The following ANKS1B variants were observed in gnomAD, a reference collection of about 807,000 sequenced individuals.
The protein encoded by ANKS1B is ankyrin repeat and sterile alpha motif domain-containing protein 1B.
Under a neutral mutation model 148.3 loss-of-function variants are expected in ANKS1B, and 36 were observed. That is an observed-to-expected ratio of 0.24 (90% confidence interval 0.19 to 0.32). The LOEUF is 0.32. Ranked by LOEUF, ANKS1B falls within the 10% of genes least tolerant of loss-of-function variation. The pLI, the probability that ANKS1B is intolerant of heterozygous loss-of-function variation, is 1.00. For synonymous variants in ANKS1B, 542 were observed against 560.8 expected (o/e 0.97, Z 0.47); for missense variants, 1,157 against 1,542.6 (o/e 0.75, Z 4.19).
intron 9 of ANKS1B, chr12:99,648,655 G>T (rs1483973394): frequency 1.2e-6 from 2 of 1,614,086 alleles, no homozygotes; most frequent in Non-Finnish European, 1.7e-6. Flanking sequence ...TGCAAGTGAA[G>T]ACCTTTTTGT....
intron 9 of ANKS1B, among the ~76,000 whole-genome samples, chr12:99,619,040 C>T (rs904680695): frequency 6.6e-6 from 1 of 152,114 alleles, no homozygotes; most frequent in African/African-American, 2.4e-5. Context: ...ACAGGGCTGG[C>T]TTGGTGACCT....
chr12:99,217,182 T>TA (rs1309888263), intron 14 of ANKS1B, among the ~76,000 whole-genome samples: 12 of 152,268 alleles, frequency 7.9e-5, no homozygotes, highest in Admixed American at 7.2e-4. Context: ...GTTACAGCAC[T>TA]AAAAAATGTA....
chr12:98,890,770 T>C (rs1361779960), intron 17 of ANKS1B, among the ~76,000 whole-genome samples: 2 of 152,244 alleles, frequency 1.3e-5, no homozygotes, highest in African/African-American at 4.8e-5. Context: ...CAATGTTCTC[T>C]TGCCAAGAAA....
Position 99,425,651 on chromosome 12 carries a change from T to C in ANKS1B, c.1575+18022A>G, listed in dbSNP as rs571476235. On this transcript the variant is annotated intron_variant, in intron 11 of 26. Coordinates refer to ENST00000683438, the MANE Select transcript of ANKS1B (RefSeq NM_001352186.2). ...TACTTCTTAGGTTATGTTATAACTT[T>C]ATTGTGCATTTCCTTGATATTCAGC... Among the ~76,000 whole-genome samples, 78 of 152,060 alleles carry C rather than the reference T, an allele frequency of 5.1e-4. No homozygotes were observed. In the Middle Eastern group the frequency reaches 0.014, roughly 27 times the overall value.
At chr12:99,671,272 T>C (rs931599389) in intron 8 of ANKS1B, among the ~76,000 whole-genome samples, 1 of 152,296 alleles carries the variant, frequency 6.6e-6, no homozygotes, top group South Asian at 2.1e-4. Flanking sequence ...ATGTTCTATT[T>C]TGTCCTTAGA....
intron 9 of ANKS1B, among the ~76,000 whole-genome samples, chr12:99,519,745 T>C (rs1385565364): frequency 6.6e-6 from 1 of 152,110 alleles, no homozygotes; most frequent in Non-Finnish European, 1.5e-5. Context: ...TCTTTCCTTC[T>C]GTCTTTTCTC....
chr12:99,483,852 G>T (rs1159349415), intron 10 of ANKS1B, among the ~76,000 whole-genome samples: 1 of 151,826 alleles, frequency 6.6e-6, no homozygotes, highest in Non-Finnish European at 1.5e-5. Flanking sequence ...AATGTATCCA[G>T]TTTCATTTCT....
At chr12:99,276,070 C>G (rs1218068336) in intron 12 of ANKS1B, among the ~76,000 whole-genome samples, 1 of 152,152 alleles carries the variant, frequency 6.6e-6, no homozygotes, top group African/African-American at 2.4e-5. Flanking sequence ...AGTAGGAATA[C>G]AGACAACAAT....
intron 4 of ANKS1B, among the ~76,000 whole-genome samples, chr12:99,794,868 G>A (rs1160555433): frequency 6.6e-6 from 1 of 151,922 alleles, no homozygotes; most frequent in East Asian, 1.9e-4. Flanking sequence ...ATAAATGCTT[G>A]AGGGGATGGA....
At chr12:99,293,521 C>A (rs1188203844) in intron 12 of ANKS1B, among the ~76,000 whole-genome samples, 1 of 151,900 alleles carries the variant, frequency 6.6e-6, no homozygotes, top group Non-Finnish European at 1.5e-5. Flanking sequence ...TAAAATAAAT[C>A]AAATCAAAAT....
intron 14 of ANKS1B, among the ~76,000 whole-genome samples, chr12:99,199,536 A>G (rs2081802871): frequency 6.6e-6 from 1 of 152,178 alleles, no homozygotes; most frequent in Non-Finnish European, 1.5e-5. Flanking sequence ...AATTCTCGGT[A>G]ATAAGTGACA....
At chr12:99,825,020 T>C (rs75332487) in intron 2 of ANKS1B, among the ~76,000 whole-genome samples, 2 of 152,266 alleles carry the variant, frequency 1.3e-5, no homozygotes, top group African/African-American at 4.8e-5. Context: ...TATCCCATTC[T>C]CTCCCCCAAA....
chr12:99,564,686 A>G lies in ANKS1B; in HGVS notation c.1273-60045T>C, dbSNP rs1450143083. On this transcript the variant is annotated intron_variant, in intron 9 of 26. Transcript: ENST00000683438. The stretch of plus-strand genomic sequence containing the variant: ...GACCACTAACATCCCTTACAAGACT[A>G]ACTTTTTCCATTAATTCCTAACCAA... Among the ~76,000 whole-genome samples the G allele has an allele frequency of 2.0e-5, 3 of 152,134 alleles. No homozygotes were observed. In the East Asian group the frequency reaches 5.8e-4, roughly 29 times the overall value.
chr12:99,391,417 T>TACCACAGG (rs1265710526), intron 12 of ANKS1B, among the ~76,000 whole-genome samples: 1 of 152,214 alleles, frequency 6.6e-6, no homozygotes, highest in Non-Finnish European at 1.5e-5. Flanking sequence ...TGTTAATTTC[T>TACCACAGG]ACCACAGGGA....
intron 24 of ANKS1B, among the ~76,000 whole-genome samples, chr12:98,773,903 A>G (rs1483115474): frequency 2.6e-5 from 4 of 152,180 alleles, no homozygotes; most frequent in Non-Finnish European, 4.4e-5. Context: ...ATCTGACCCA[A>G]TGAGGCTCTT....
chr12:99,410,886 A>G (rs565550876), intron 11 of ANKS1B, among the ~76,000 whole-genome samples: 1 of 152,218 alleles, frequency 6.6e-6, no homozygotes, highest in East Asian at 1.9e-4. Flanking sequence ...TACTTAACGT[A>G]TTGCTCCCTT....
intron 9 of ANKS1B, among the ~76,000 whole-genome samples, chr12:99,584,607 T>G (rs55907119): frequency 0.11 from 17,340 of 151,540 alleles, 1,221 homozygotes; most frequent in Non-Finnish European, 0.15. Context: ...GAGAGAGAAA[T>G]ATATATATAT....
chr12:99,146,922 T>C (rs1014944785), intron 15 of ANKS1B, among the ~76,000 whole-genome samples: 1 of 152,136 alleles, frequency 6.6e-6, no homozygotes, highest in Non-Finnish European at 1.5e-5. Context: ...ATCCGCCTGT[T>C]TTTGTAAATA....
chr12:99,445,468 T>C (rs1388301076), intron 10 of ANKS1B, among the ~76,000 whole-genome samples: 1 of 152,002 alleles, frequency 6.6e-6, no homozygotes, highest in Non-Finnish European at 1.5e-5. Context: ...ACTCATGGAA[T>C]GTATAAATCG....
Sources: gnomAD v4.1 joint callset for allele counts (sites outside exome capture counted in the v4.1 genomes callset) on GRCh38, gnomAD v4.1.1 for gene constraint, MANE v1.5 for transcripts, NCBI Gene and HGNC (gene_info 2026-07-23, HGNC 2026-07-21) for gene names.